Variants in TEX15 observed in about 807,000 individuals in gnomAD.
The protein encoded by TEX15 is testis expressed 15, meiosis and synapsis associated.
In TEX15, 171 loss-of-function variants were observed where a neutral mutation model predicts 237.3. That is an observed-to-expected ratio of 0.72 (90% CI 0.64 to 0.82). The LOEUF (loss-of-function observed/expected upper bound fraction) is 0.82, where lower values mean the gene tolerates loss of function less well. Ranked by LOEUF, TEX15 falls within the 40% of genes least tolerant of loss-of-function variation. TEX15 has a pLI of 0.00. For synonymous variants in TEX15, 1,338 were observed against 1,269.8 expected, an observed-to-expected ratio of 1.05 and a Z score of -1.14; for missense variants, 3,750 against 3,646.5, an observed-to-expected ratio of 1.03 and a Z score of -0.73.
intron 8 of TEX15, among the ~76,000 whole-genome samples, chr8:30,841,352 G>C (rs1053351923): frequency 1.9e-4 from 29 of 152,140 alleles, no homozygotes; most frequent in African/African-American, 6.8e-4. Context: ...AGATCTGGGT[G>C]CTCCCATTTA....
chr8:30,847,191 C>T lies in TEX15; in HGVS notation c.2976G>A (p.Met992Ile). ...CGTCATTATTTAGGCTTAATGCAGG[C>T]ATAGTAGCACTAGCTATCTGTATTG... Reference protein sequence around the residue: ...NAAIQIASATMPALSLNNDDH... With the variant: ...NAAIQIASATIPALSLNNDDH... Residue 992 changes from methionine to isoleucine, a missense_variant, in exon 8 of 11, where the codon ATG becomes ATA. By Grantham distance (10) the Met-to-Ile change is conservative. Transcript: ENST00000643185. 1 of 1,613,966 alleles carries T rather than the reference C, an allele frequency of 6.2e-7. No individual in the cohort carries two copies. The highest frequency in any genetic ancestry group is 8.5e-7 in the Non-Finnish European group (1 of 1,179,862).
At chr8:30,902,222 TC>T (rs1179397245) in intron 1 of TEX15, among the ~76,000 whole-genome samples, 1 of 149,184 alleles carries the variant, frequency 6.7e-6, no homozygotes, top group Admixed American at 6.6e-5. Flanking sequence ...TTCCTTTTCC[TC>T]CTTTTTTTTT....
Position 30,843,293 on chromosome 8 carries a change from A to C in TEX15, c.6874T>G (p.Ser2292Ala), listed in dbSNP as rs780283107. The change falls in exon 8 of 11, where the codon TCA becomes GCA. Residue 2292 changes from serine to alanine, a missense_variant. Physicochemically the swap from Ser to Ala is moderately conservative, Grantham distance 99. Transcript: ENST00000643185. ...ERTQSFSKKYSQKKDEERLLR... is the reference protein window; with the variant it reads ...ERTQSFSKKYAQKKDEERLLR... ...AGCCTTTCTTCGTCCTTCTTTTGTG[A>C]GTATTTTTTGCTGAAGGATTGTGTT... The C allele has an allele frequency of 1.2e-6, 2 of 1,609,392 alleles. No homozygotes were observed. The highest frequency in any genetic ancestry group is 1.1e-5 in the South Asian group (1 of 90,434).
At chr8:30,903,098 C>T (rs1349413569) in intron 1 of TEX15, among the ~76,000 whole-genome samples, 2 of 152,206 alleles carry the variant, frequency 1.3e-5, no homozygotes, top group Non-Finnish European at 2.9e-5. Flanking sequence ...GAAGCCAAAA[C>T]TGGCACTCAA....
intron 3 of TEX15, among the ~76,000 whole-genome samples, chr8:30,885,723 T>C (rs946853144): frequency 6.6e-6 from 1 of 152,214 alleles, no homozygotes; most frequent in African/African-American, 2.4e-5. Flanking sequence ...GTCTATTATA[T>C]CAAGTTGACT....
chr8:30,844,137 T>G lies in TEX15; in HGVS notation c.6030A>C (p.Ala2010=), dbSNP rs1585282438. The change falls in exon 8 of 11, where the codon GCA becomes GCC. Residue 2010 remains alanine (A), a synonymous_variant. Transcript: ENST00000643185. ...LSQILQRADE[A]SSLQILQEET... ...CTTCCTGTAGAATCTGCAAAGATGA[T>G]GCTTCATCTGCCCTCTGCAAAATTT... 1 of 1,613,380 alleles carries G rather than the reference T, an allele frequency of 6.2e-7. No homozygotes were observed. Among genetic ancestry groups the G allele is most frequent in the East Asian group, 2.2e-5 (1 of 44,874 alleles).
Position 30,843,841 on chromosome 8 carries a change from A to G in TEX15, c.6326T>C (p.Leu2109Pro). 1.9e-6 allele frequency: 3 copies of G among 1,612,866 alleles called. No homozygotes were observed. Among genetic ancestry groups the G allele is most frequent in the Non-Finnish European group, 2.5e-6 (3 of 1,179,390 alleles). Residue 2109 changes from leucine to proline, a missense_variant, in exon 8 of 11, where the codon CTG becomes CCG. Coordinates refer to ENST00000643185, the MANE Select transcript of TEX15 (RefSeq NM_001350162.2). ...TGGTTTTCCAAGAAGCTCAGCATACAGTGTTTCATCATACCAAAGCAAGCT... is the reference window on the plus strand; with the variant it reads ...TGGTTTTCCAAGAAGCTCAGCATACGGTGTTTCATCATACCAAAGCAAGCT... ...LRSLLWYDET[L>P]YAELLGKPRG... is the part of the protein sequence containing the mutation.
chr8:30,901,036 G>C (rs369344290), intron 1 of TEX15, among the ~76,000 whole-genome samples: 23 of 152,292 alleles, frequency 1.5e-4, no homozygotes, highest in African/African-American at 5.5e-4. Flanking sequence ...TACTCAGGAG[G>C]CTGAGGTGCG....
chr8:30,838,585 C>A (rs1389502381), intron 9 of TEX15, among the ~76,000 whole-genome samples: 1 of 150,942 alleles, frequency 6.6e-6, no homozygotes, highest in Non-Finnish European at 1.5e-5. Flanking sequence ...AATTTAATAG[C>A]CTTGAAATTA....
intron 7 of TEX15, among the ~76,000 whole-genome samples, chr8:30,849,741 A>T (rs2128768623): frequency 6.6e-6 from 1 of 150,838 alleles, no homozygotes; most frequent in Non-Finnish European, 1.5e-5. Flanking sequence ...CTAAAATACA[A>T]AAAAAAAATT....
At position 30,846,621 on chromosome 8, in the gene TEX15, G is replaced by A; in HGVS notation, c.3546C>T (p.Cys1182=). 1 of 1,613,834 alleles carries A rather than the reference G, an allele frequency of 6.2e-7. No individual in the cohort carries two copies. Among genetic ancestry groups the A allele is most frequent in the Non-Finnish European group, 8.5e-7 (1 of 1,179,816 alleles). The part of the protein sequence containing the change: ...ADSLALKDSF[C]THVTEATKPE... ...GTTTTGTGGCTTCAGTTACATGTGT[G>A]CAAAAACTATCTTTCAATGCAAGGG... Residue 1182 remains cysteine (C), a synonymous_variant, in exon 8 of 11, where the codon TGC becomes TGT. Transcript: ENST00000643185.
At position 30,844,809 on chromosome 8, in the gene TEX15, A is replaced by G; in HGVS notation, c.5358T>C (p.Asn1786=). Reference sequence around the variant, plus strand: ...CATCCAACTCATAATTCTCAGTGACATTTGTTTCATTCCCATCTGTATGGA... The same window carrying G: ...CATCCAACTCATAATTCTCAGTGACGTTTGTTTCATTCCCATCTGTATGGA... ...NCLHTDGNET[N]VTENYELDVA... is the part of the protein sequence containing the mutation. The change falls in exon 8 of 11, where the codon AAT becomes AAC. Residue 1786 remains asparagine (N), a synonymous_variant. Coordinates refer to ENST00000643185, the MANE Select transcript of TEX15 (RefSeq NM_001350162.2). 6.2e-7 allele frequency: 1 copy of G among 1,613,440 alleles called. No homozygotes were observed. The highest frequency in any genetic ancestry group is 8.5e-7 in the Non-Finnish European group (1 of 1,179,572).
In TEX15 at chr8:30,847,263, TGTC is replaced by T; in HGVS notation, c.2901_2903del (p.Thr968del). 1 of 1,613,904 alleles carries T rather than the reference TGTC, an allele frequency of 6.2e-7. No homozygotes were observed. Among genetic ancestry groups the T allele is most frequent in the Non-Finnish European group, 8.5e-7 (1 of 1,179,852 alleles). On this transcript the variant is annotated inframe_deletion, in exon 8 of 11. Coordinates refer to ENST00000643185, the MANE Select transcript of TEX15 (RefSeq NM_001350162.2). ...CTGAAGAACTTGCAGTTTTGGGAAA[TGTC>T]GTGGAAGCCAAATGCTCTACACTTC...
intron 1 of TEX15, among the ~76,000 whole-genome samples, chr8:30,912,118 C>T (rs990659249): frequency 6.6e-6 from 1 of 152,228 alleles, no homozygotes; most frequent in Non-Finnish European, 1.5e-5. Context: ...CGGAGCCCAG[C>T]TACCCCCGCG....
At chr8:30,875,806 T>C (rs1254651447) in intron 3 of TEX15, among the ~76,000 whole-genome samples, 2 of 151,320 alleles carry the variant, frequency 1.3e-5, no homozygotes, top group Non-Finnish European at 2.9e-5. Flanking sequence ...GGGCATCTGG[T>C]CAATTTTTTT....
At chr8:30,884,275 G>T (rs1808599412) in intron 3 of TEX15, among the ~76,000 whole-genome samples, 1 of 152,184 alleles carries the variant, frequency 6.6e-6, no homozygotes, top group Non-Finnish European at 1.5e-5. Context: ...CAGTGATGTT[G>T]AGCTTTTCTT....
intron 1 of TEX15, among the ~76,000 whole-genome samples, chr8:30,900,001 G>C (rs915603634): frequency 6.6e-6 from 1 of 152,032 alleles, no homozygotes; most frequent in Non-Finnish European, 1.5e-5. Flanking sequence ...ACTTTTATTG[G>C]TGAAACATTT....
intron 2 of TEX15, among the ~76,000 whole-genome samples, 191 bp downstream of exon 2, chr8:30,898,551 A>G (rs1311342196): frequency 6.6e-6 from 1 of 152,186 alleles, no homozygotes; most frequent in Non-Finnish European, 1.5e-5. Context: ...GTAGATTAAG[A>G]CAGTACCCAA....
At position 30,842,412 on chromosome 8, in the gene TEX15, T is replaced by C. The variant is rs186722961; in HGVS notation, c.7755A>G (p.Glu2585=). 5 of 1,613,730 alleles carry C rather than the reference T, an allele frequency of 3.1e-6. No individual in the cohort carries two copies. In the East Asian group the frequency reaches 1.1e-4, roughly 36 times the overall value. Residue 2585 remains glutamate, a synonymous_variant, in exon 8 of 11, where the codon GAA becomes GAG. Coordinates refer to ENST00000643185, the MANE Select transcript of TEX15 (RefSeq NM_001350162.2). ...GTGTAGAAAATTGATTGTAGTTGTA[T>C]TCTAACTCTGTCACAGTGCTTCCAT... is the stretch of plus-strand genomic sequence containing the variant. The part of the protein sequence containing the change: ...INYGSTVTEL[E]YNYNQFSTLL...
Sources: gnomAD v4.1 joint callset for allele counts (sites outside exome capture counted in the v4.1 genomes callset) on GRCh38, gnomAD v4.1.1 for gene constraint, MANE v1.5 for transcripts, NCBI Gene and HGNC (gene_info 2026-07-23, HGNC 2026-07-21) for gene names.